CERT1: variants seen among roughly 807,000 people sequenced by gnomAD.
CERT1 encodes the protein ceramide transporter 1, also known as ceramide transfer protein.
A neutral mutation model predicts 87.9 loss-of-function variants in CERT1; 31 were observed. That is an observed-to-expected ratio of 0.35 (90% CI 0.27 to 0.48). The LOEUF (loss-of-function observed/expected upper bound fraction) is 0.48. CERT1 is among the 20% of genes least tolerant of loss of function. The pLI, the probability that CERT1 is intolerant of heterozygous loss-of-function variation, is 0.99. For synonymous variants in CERT1, 289 were observed against 250.9 expected, an observed-to-expected ratio of 1.15 and a Z score of -1.44; for missense variants, 487 against 758.0, an observed-to-expected ratio of 0.64 and a Z score of 4.20.
At chr5:75,490,345 T>C (rs74440156) in intron 2 of CERT1, among the ~76,000 whole-genome samples, 27 of 152,160 alleles carry the variant, frequency 1.8e-4, no homozygotes, top group Non-Finnish European at 3.5e-4. Context: ...TAAAGTATAA[T>C]AAAAAACCTT....
intron 16 of CERT1, 35 bp from the exon 17 acceptor site, chr5:75,379,508 T>C: frequency 6.3e-7 from 1 of 1,589,014 alleles, no homozygotes; most frequent in African/African-American, 1.4e-5. Flanking sequence ...TGTATTAAGA[T>C]ACAATTCTCC....
intron 15 of CERT1, among the ~76,000 whole-genome samples, 159 bp downstream of exon 15, chr5:75,381,788 AAC>A (rs1456604037): frequency 6.6e-6 from 1 of 152,224 alleles, no homozygotes; most frequent in Non-Finnish European, 1.5e-5. Flanking sequence ...GCCCTCAGAC[AAC>A]ACATGGGCTA....
intron 2 of CERT1, among the ~76,000 whole-genome samples, chr5:75,492,453 G>A (rs1003543992): frequency 7.2e-5 from 11 of 152,152 alleles, no homozygotes; most frequent in Non-Finnish European, 1.5e-4. Flanking sequence ...CTGTGGTTTA[G>A]TTGAGCCCAG....
In CERT1 at chr5:75,416,868, A is replaced by G; in HGVS notation, c.837+8T>C. On this transcript the variant is annotated splice_region_variant and intron_variant, in intron 7 of 16. Transcript: ENST00000643780. ...ATTATTTTTAAAAGGAAAAAAACCT[A>G]GTCTTACCTTATCCAGTCTCTTCTG... 1 of 1,589,352 alleles carries G rather than the reference A, an allele frequency of 6.3e-7. No homozygotes were observed. Among genetic ancestry groups the G allele is most frequent in the Admixed American group, 1.9e-5 (1 of 53,196 alleles).
chr5:75,417,889 G>A (rs1763209119), intron 6 of CERT1, among the ~76,000 whole-genome samples: 1 of 152,202 alleles, frequency 6.6e-6, no homozygotes, highest in Non-Finnish European at 1.5e-5. Flanking sequence ...GGGCGCGGTG[G>A]CTCACGCCTG....
At chr5:75,380,982 A>C (rs1025374806) in intron 16 of CERT1, 90 bp downstream of exon 16, 1 of 1,360,280 alleles carries the variant, frequency 7.4e-7, no homozygotes, top group Admixed American at 1.9e-5. Flanking sequence ...ATGGATAAGA[A>C]CTAAAAAGGC....
intron 5 of CERT1, among the ~76,000 whole-genome samples, chr5:75,420,395 G>A (rs969590036): frequency 1.1e-4 from 17 of 150,662 alleles, no homozygotes; most frequent in Non-Finnish European, 2.5e-4. Context: ...CCAGGCTGGA[G>A]TGCAGTGGCG....
chr5:75,486,313 C>T (rs899623978), intron 2 of CERT1, among the ~76,000 whole-genome samples: 2 of 151,932 alleles, frequency 1.3e-5, no homozygotes, highest in African/African-American at 4.8e-5. Context: ...ATGATAAAAA[C>T]CCTCACAAAA....
At chr5:75,446,228 G>A (rs927518206) in intron 3 of CERT1, among the ~76,000 whole-genome samples, 3 of 152,118 alleles carry the variant, frequency 2.0e-5, no homozygotes, top group Non-Finnish European at 2.9e-5. Context: ...AATCATATCC[G>A]TTGTCCTATA....
At chr5:75,380,059 A>C (rs1244878090) in intron 16 of CERT1, among the ~76,000 whole-genome samples, 1 of 152,198 alleles carries the variant, frequency 6.6e-6, no homozygotes, top group Non-Finnish European at 1.5e-5. Flanking sequence ...ATTATTCACA[A>C]ATCTGTACTA....
chr5:75,503,496 TCA>T (rs1325720950), intron 2 of CERT1, among the ~76,000 whole-genome samples: 2 of 151,994 alleles, frequency 1.3e-5, no homozygotes, highest in Non-Finnish European at 2.9e-5. Flanking sequence ...TTCACTGAAT[TCA>T]GTTATATTTT....
At chr5:75,399,025 G>T (rs1762366719) in intron 11 of CERT1, among the ~76,000 whole-genome samples, 1 of 152,124 alleles carries the variant, frequency 6.6e-6, no homozygotes, top group South Asian at 2.1e-4. Flanking sequence ...GATATTACAT[G>T]ATATACAAAA....
At position 75,396,297 on chromosome 5, in the gene CERT1, T is replaced by C. The variant is rs560086885; in HGVS notation, c.1188+3013A>G. Among the ~76,000 whole-genome samples, 10 of 152,350 alleles carry C rather than the reference T, an allele frequency of 6.6e-5. No individual in the cohort carries two copies. In the South Asian group the frequency reaches 2.1e-3, roughly 32 times the overall value. On this transcript the variant is annotated intron_variant, in intron 11 of 16. Coordinates refer to ENST00000643780, the MANE Select transcript of CERT1 (RefSeq NM_001379029.1). ...AATTGATTATATTATGCTTATATAATATTTTGGCAAATTATTAAAGGTGAT... is the reference window on the plus strand; with the variant it reads ...AATTGATTATATTATGCTTATATAACATTTTGGCAAATTATTAAAGGTGAT...
chr5:75,409,096 A>T (rs1396715795), intron 8 of CERT1, among the ~76,000 whole-genome samples: 2 of 152,084 alleles, frequency 1.3e-5, no homozygotes, highest in African/African-American at 4.8e-5. Context: ...TAATGAATAT[A>T]CATTTTATTT....
At chr5:75,463,092 G>A (rs1443529408) in intron 2 of CERT1, among the ~76,000 whole-genome samples, 1 of 149,870 alleles carries the variant, frequency 6.7e-6, no homozygotes, top group African/African-American at 2.5e-5. Flanking sequence ...AGGAGATAAA[G>A]CAAATACTTT....
At chr5:75,445,298 A>C (rs528255634) in intron 3 of CERT1, among the ~76,000 whole-genome samples, 25 of 152,308 alleles carry the variant, frequency 1.6e-4, no homozygotes, top group Non-Finnish European at 2.8e-4. Context: ...ACTTTTACTA[A>C]GATTTTTATT....
chr5:75,435,213 T>C lies in CERT1; in HGVS notation c.349-8735A>G, dbSNP rs137936320. 6.4e-4 allele frequency among the ~76,000 whole-genome samples: 97 copies of C among 152,382 alleles called. 1 individual carries two copies. In the East Asian group the frequency reaches 0.018, roughly 28 times the overall value. ...AAGCTATGAGATTCTTTCTTCAGCT[T>C]GGTCTTTTCTGCTATTAATACTTCC... On this transcript the variant is annotated intron_variant, in intron 3 of 16. Transcript: ENST00000643780.
chr5:75,394,333 C>T (rs879322489), intron 11 of CERT1, among the ~76,000 whole-genome samples: 3 of 151,758 alleles, frequency 2.0e-5, no homozygotes, highest in African/African-American at 7.3e-5. Context: ...CACAGTGAGA[C>T]CCCCATATCT....
At position 75,385,941 on chromosome 5, in the gene CERT1, T is replaced by C. The variant is rs1761767906; in HGVS notation, c.1378A>G (p.Asn460Asp). The C allele has an allele frequency of 1.9e-6, 3 of 1,576,394 alleles. No homozygotes were observed. The highest frequency in any genetic ancestry group is 1.8e-5 in the Admixed American group (1 of 55,994). Residue 460 changes from asparagine to aspartate, a missense_variant, in exon 13 of 17, where the codon AAT (asparagine) becomes GAT (aspartate). This residue lies in a region of CERT1 where 147 missense variants were observed against 200.8 expected (regional missense o/e 0.73). Transcript: ENST00000643780. Reference protein sequence around the residue: ...VKGVTGHEVCNYFWNVDVRND... With the variant: ...VKGVTGHEVCDYFWNVDVRND... ...CGAACGTCAACATTCCAGAAATAAT[T>C]GCAGACTTCATGTCCTGTGACGCCT...
Sources: allele counts gnomAD v4.1 joint callset (sites outside exome capture counted in the v4.1 genomes callset), GRCh38; gene constraint gnomAD v4.1.1; regional missense constraint gnomAD v4.1.1; transcripts MANE v1.5; gene names NCBI Gene and HGNC (gene_info 2026-07-23, HGNC 2026-07-21).